Variants in GNA14 observed in about 807,000 individuals in gnomAD.
GNA14 encodes guanine nucleotide-binding protein subunit alpha-14.
A neutral mutation model predicts 42.0 loss-of-function variants in GNA14; 50 were observed. The ratio of observed to expected loss-of-function variants is 1.19; its 90% CI spans 0.95 to 1.51. The LOEUF (loss-of-function observed/expected upper bound fraction) is 1.51. GNA14 is among the 40% of genes most tolerant of loss of function. The pLI is 0.00. For synonymous variants in GNA14, 173 were observed against 163.1 expected, an observed-to-expected ratio of 1.06 and a Z score of -0.46; for missense variants, 473 against 446.2, an observed-to-expected ratio of 1.06 and a Z score of -0.54.
chr9:77,440,666 T>C (rs1835717232), intron 2 of GNA14, among the ~76,000 whole-genome samples: 1 of 152,230 alleles, frequency 6.6e-6, no homozygotes, highest in Admixed American at 6.5e-5. Context: ...CACATGCTTA[T>C]TGTTTTGTAG....
intron 1 of GNA14, among the ~76,000 whole-genome samples, chr9:77,598,911 T>G (rs1156825390): frequency 6.6e-6 from 1 of 152,224 alleles, no homozygotes; most frequent in Non-Finnish European, 1.5e-5. Context: ...AGTCATTATT[T>G]ATTTGTTGAG....
intron 2 of GNA14, among the ~76,000 whole-genome samples, chr9:77,478,611 C>T (rs1836480627): frequency 6.6e-6 from 1 of 152,154 alleles, no homozygotes; most frequent in South Asian, 2.1e-4. Context: ...ACACTGACTT[C>T]CACAATGGTT....
chr9:77,598,729 A>G (rs1373096647), intron 1 of GNA14, among the ~76,000 whole-genome samples: 1 of 152,254 alleles, frequency 6.6e-6, no homozygotes, highest in Non-Finnish European at 1.5e-5. Flanking sequence ...CCTGACTGGA[A>G]GGCAAAATAG....
chr9:77,618,614 A>T (rs1270556639), intron 1 of GNA14, among the ~76,000 whole-genome samples: 228 of 11,056 alleles, frequency 0.021, 13 homozygotes, highest in African/African-American at 0.057. Context: ...ATATATATAT[A>T]TATATATTTT....
intron 1 of GNA14, among the ~76,000 whole-genome samples, chr9:77,638,660 T>C (rs1414235085): frequency 6.6e-6 from 1 of 152,230 alleles, no homozygotes; most frequent in Non-Finnish European, 1.5e-5. Flanking sequence ...TAGGAAAGCA[T>C]TTGGCATTTA....
intron 2 of GNA14, among the ~76,000 whole-genome samples, chr9:77,453,148 TA>T (rs1490945062): frequency 6.6e-6 from 1 of 151,460 alleles, no homozygotes; most frequent in Non-Finnish European, 1.5e-5. Flanking sequence ...CCTGAAAAAA[TA>T]AAAAATAAAA....
rs1837812456 is a variant in GNA14 at position 77,553,696 on chromosome 9, CA to C, written c.125-24444del. ...ACACCCATTCCCACTTATTTGTGTG[CA>C]CAGCAAGATGAAGAATTATATGACA... On this transcript the variant is annotated intron_variant, in intron 1 of 6. Coordinates refer to ENST00000341700, the MANE Select transcript of GNA14 (RefSeq NM_004297.4). Among the ~76,000 whole-genome samples the C allele has an allele frequency of 2.0e-5, 3 of 152,148 alleles. No individual in the cohort carries two copies. The East Asian group carries it at 5.8e-4, about 29-fold the overall frequency.
intron 1 of GNA14, among the ~76,000 whole-genome samples, chr9:77,638,508 C>T (rs762852183): frequency 3.3e-5 from 5 of 151,924 alleles, no homozygotes; most frequent in Non-Finnish European, 7.4e-5. Context: ...GAGTGGGGAA[C>T]AGAAAAGAAT....
chr9:77,425,575 G>A lies in GNA14; in HGVS notation c.864C>T (p.Phe288=). The A allele has an allele frequency of 6.2e-7, 1 of 1,605,502 alleles. No individual in the cohort carries two copies. The highest frequency in any genetic ancestry group is 8.5e-7 in the Non-Finnish European group (1 of 1,174,962). The part of the protein sequence containing the change: ...KIMYSHLISY[F]PEYTGPKQDV... ...ATAGACACTTACCTGTGTATTCTGGGAAATAGCTAATTAGATGAGAGTACA... is the reference window on the plus strand; with the variant it reads ...ATAGACACTTACCTGTGTATTCTGGAAAATAGCTAATTAGATGAGAGTACA... The change falls in exon 6 of 7, where the codon TTC becomes TTT. Residue 288 remains phenylalanine (F), a synonymous_variant. Coordinates refer to ENST00000341700, the MANE Select transcript of GNA14 (RefSeq NM_004297.4).
chr9:77,585,924 G>A (rs1248597664), intron 1 of GNA14, among the ~76,000 whole-genome samples: 1 of 152,066 alleles, frequency 6.6e-6, no homozygotes, highest in Non-Finnish European at 1.5e-5. Context: ...TGCCTGTAAT[G>A]TATTATTGTT....
intron 1 of GNA14, among the ~76,000 whole-genome samples, chr9:77,640,576 C>T (rs1824241342): frequency 6.6e-6 from 1 of 152,038 alleles, no homozygotes; most frequent in South Asian, 2.1e-4. Flanking sequence ...CAGATTTTTC[C>T]ACTTTATATC....
chr9:77,593,245 T>C (rs1236780448), intron 1 of GNA14, among the ~76,000 whole-genome samples: 1 of 152,152 alleles, frequency 6.6e-6, no homozygotes. Flanking sequence ...ACAAGAACCA[T>C]GAGTAGCAAG....
chr9:77,587,421 T>C (rs79837918), intron 1 of GNA14, among the ~76,000 whole-genome samples: 3,575 of 152,324 alleles, frequency 0.023, 99 homozygotes, highest in African/African-American at 0.061. Flanking sequence ...AGTTGATGAA[T>C]AGCTAAAGTT....
intron 1 of GNA14, among the ~76,000 whole-genome samples, chr9:77,562,545 C>T (rs983654984): frequency 3.3e-5 from 5 of 152,062 alleles, no homozygotes; most frequent in Non-Finnish European, 7.4e-5. Flanking sequence ...ATTCAGTAAT[C>T]TATGTGGTAA....
At chr9:77,611,932 G>T (rs187658173) in intron 1 of GNA14, among the ~76,000 whole-genome samples, 46 of 152,046 alleles carry the variant, frequency 3.0e-4, no homozygotes, top group Admixed American at 1.2e-3. Context: ...AACTTCAGTT[G>T]CCCCCAAAAT....
chr9:77,613,424 C>T (rs1430481955), intron 1 of GNA14, among the ~76,000 whole-genome samples: 2 of 152,144 alleles, frequency 1.3e-5, no homozygotes, highest in East Asian at 1.9e-4. Context: ...TTAAAGGATA[C>T]GAAGTTTCAG....
At position 77,600,542 on chromosome 9, in the gene GNA14, G is replaced by T. The variant is rs148821001; in HGVS notation, c.124+47128C>A. 4.9e-3 allele frequency among the ~76,000 whole-genome samples: 748 copies of T among 152,282 alleles called. 10 individuals are homozygous for T. The highest frequency in any genetic ancestry group is 0.01 in the Middle Eastern group (3 of 294). On this transcript the variant is annotated intron_variant, in intron 1 of 6. Transcript: ENST00000341700. ...CTAATGTGTGTCACATGGCACCCCGGCGTTGGCAAAACCATACTCGGTCAG... is the reference window on the plus strand; with the variant it reads ...CTAATGTGTGTCACATGGCACCCCGTCGTTGGCAAAACCATACTCGGTCAG...
At chr9:77,565,783 T>G (rs1027240431) in intron 1 of GNA14, among the ~76,000 whole-genome samples, 7 of 152,250 alleles carry the variant, frequency 4.6e-5, no homozygotes, top group Admixed American at 2.6e-4. Flanking sequence ...ATGCAACGAT[T>G]AGAAAATATG....
intron 3 of GNA14, among the ~76,000 whole-genome samples, chr9:77,434,112 A>G (rs567012599): frequency 1.3e-5 from 2 of 152,314 alleles, no homozygotes; most frequent in South Asian, 4.1e-4. Context: ...CTCTCATTGA[A>G]AACGACAGGC....
Sources: allele counts gnomAD v4.1 joint callset (sites outside exome capture counted in the v4.1 genomes callset), GRCh38; gene constraint gnomAD v4.1.1; transcripts MANE v1.5; gene names NCBI Gene and HGNC (gene_info 2026-07-23, HGNC 2026-07-21).